RAB40A: variants seen among roughly 807,000 people sequenced by gnomAD.
The protein encoded by RAB40A is ras-related protein Rab-40A.
For synonymous variants in RAB40A, 65 were observed against 99.9 expected, an observed-to-expected ratio of 0.65 and a Z score of 2.08; for missense variants, 145 against 230.2, an observed-to-expected ratio of 0.63 and a Z score of 2.40.
chrX:103,504,218 T>C (rs1021129691), intron 2 of RAB40A, among the ~76,000 whole-genome samples: 1 of 111,183 alleles, frequency 9.0e-6, no homozygotes, highest in Non-Finnish European at 1.9e-5. Context: ...TGAAAAACTA[T>C]TGGGTACTAT....
chrX:103,514,597 C>T (rs5987466), intron 2 of RAB40A, among the ~76,000 whole-genome samples: 1 of 111,325 alleles, frequency 9.0e-6, no homozygotes, highest in Non-Finnish European at 1.9e-5. Flanking sequence ...GTGATCCACC[C>T]GTCTCAACCT....
At chrX:103,493,899 G>A in the RAB40A span, among the ~76,000 whole-genome samples, 15 of 112,450 alleles carry the variant, frequency 1.3e-4, no homozygotes, top group African/African-American at 4.8e-4. Context: ...AAACATGGGA[G>A]TGCAGATGTC....
chrX:103,519,080 A>C (rs1392277411), intron 1 of RAB40A, among the ~76,000 whole-genome samples: 2 of 111,877 alleles, frequency 1.8e-5, no homozygotes, highest in Admixed American at 1.9e-4. Context: ...AATTAGACAC[A>C]ATGAGCCCCC....
intron 2 of RAB40A, among the ~76,000 whole-genome samples, chrX:103,506,907 A>T (rs1180269096): frequency 1.8e-5 from 2 of 111,581 alleles, no homozygotes; most frequent in African/African-American, 6.5e-5. Context: ...GGTTTTTGTA[A>T]TTTTTTTTAA....
chrX:103,499,595 C>T lies in RAB40A; in HGVS notation c.*328G>A, dbSNP rs2147573868. On this transcript the variant is annotated 3_prime_UTR_variant, in exon 3 of 3. Coordinates refer to ENST00000304236, the MANE Select transcript of RAB40A (RefSeq NM_080879.3). ...TGCCATATCACCATTCTAACAAAGGCGGTTATTTTAAGGAAAAAGTTGCAG... is the reference window on the plus strand; with the variant it reads ...TGCCATATCACCATTCTAACAAAGGTGGTTATTTTAAGGAAAAAGTTGCAG... 3.0e-6 allele frequency: 1 copy of T among 329,819 alleles called. No homozygotes were observed. The highest frequency in any genetic ancestry group is 5.4e-6 in the Non-Finnish European group (1 of 185,674). 27.2% of individuals were successfully genotyped at this position (329,819 alleles called of 1,213,427 possible).
chrX:103,518,840 T>C (rs1318508565), intron 1 of RAB40A, among the ~76,000 whole-genome samples: 2 of 111,917 alleles, frequency 1.8e-5, no homozygotes, highest in Non-Finnish European at 3.8e-5. Context: ...TGTAACCTAA[T>C]GGTTTATGAA....
At chrX:103,513,432 G>C (rs1420409930) in intron 2 of RAB40A, among the ~76,000 whole-genome samples, 1 of 110,877 alleles carries the variant, frequency 9.0e-6, no homozygotes, top group Non-Finnish European at 1.9e-5. Context: ...AGGGCCCCAG[G>C]AGTAATCAAC....
At chrX:103,507,400 A>G (rs2073261308) in intron 2 of RAB40A, among the ~76,000 whole-genome samples, 1 of 87,389 alleles carries the variant, frequency 1.1e-5, no homozygotes, top group African/African-American at 1.2e-4. Context: ...GTTTTAATAC[A>G]GTCTTTAGTG....
chrX:103,499,952 A>G lies in RAB40A; in HGVS notation c.805T>C (p.Cys269Arg). The G allele has an allele frequency of 1.1e-6, 1 of 900,927 alleles. No homozygotes were observed. The highest frequency in any genetic ancestry group is 2.0e-5 in the African/African-American group (1 of 50,224). The allele number at this position is 900,927 out of a possible 1,213,427, so 74.2% of individuals were successfully genotyped here. The change falls in exon 3 of 3, where the codon TGC becomes CGC. Residue 269 changes from cysteine (C) to arginine (R), a missense_variant. Coordinates refer to ENST00000304236, the MANE Select transcript of RAB40A (RefSeq NM_080879.3). ...VCPPQSPPKNCTRNSCKIS is the reference protein window; with the variant it reads ...VCPPQSPPKNRTRNSCKIS ...GAAATTTTGCAGCTGTTTCTGGTGC[A>G]GTTTTTGGGTGGGCTCTGGGGTGGG...
At chrX:103,494,729 G>C (rs2073154496), downstream of RAB40A, among the ~76,000 whole-genome samples, 1 of 111,745 alleles carries the variant, frequency 8.9e-6, no homozygotes, top group Non-Finnish European at 1.9e-5. Flanking sequence ...GTTCACTGTA[G>C]GTGTGTGGAT....
At chrX:103,512,621 T>C (rs2073296673) in intron 2 of RAB40A, among the ~76,000 whole-genome samples, 1 of 112,099 alleles carries the variant, frequency 8.9e-6, no homozygotes, top group African/African-American at 3.2e-5. Flanking sequence ...CCGGATTGAC[T>C]AGTACTGTTT....
At chrX:103,515,945 T>C (rs2073314642) in intron 2 of RAB40A, among the ~76,000 whole-genome samples, 1 of 112,171 alleles carries the variant, frequency 8.9e-6, no homozygotes, top group Non-Finnish European at 1.9e-5. Context: ...CTCTTGAGTG[T>C]AAGGATCAGG....
At position 103,499,672 on chromosome X, in the gene RAB40A, C is replaced by G. The variant is rs1176420770; in HGVS notation, c.*251G>C. 4.6e-6 allele frequency: 2 copies of G among 438,509 alleles called. No homozygotes were observed. Among genetic ancestry groups the G allele is most frequent in the East Asian group, 7.7e-5 (2 of 25,897 alleles). The allele number at this position is 438,509 out of a possible 1,213,427, so 36.1% of individuals were successfully genotyped here. The stretch of plus-strand genomic sequence containing the variant: ...AAATTTCACGTTATCAAGAGTTGAG[C>G]AAAGTACTAATTTCCCCTTTATAAA... On this transcript the variant is annotated 3_prime_UTR_variant, in exon 3 of 3. Coordinates refer to ENST00000304236, the MANE Select transcript of RAB40A (RefSeq NM_080879.3).
chrX:103,506,318 C>T (rs1180896), intron 2 of RAB40A, among the ~76,000 whole-genome samples: 43,941 of 109,726 alleles, frequency 0.4, 9,053 homozygotes, highest in African/African-American at 0.8. Flanking sequence ...TTTCCAGTGT[C>T]CATTATTAAT....
chrX:103,503,566 C>T, intron 2 of RAB40A: 1 of 673,551 alleles, frequency 1.5e-6, no homozygotes, highest in Non-Finnish European at 1.7e-6. Context: ...GCAAAATGTC[C>T]TCCTTTAAAA....
chrX:103,515,588 C>T (rs1031185331), intron 2 of RAB40A, among the ~76,000 whole-genome samples: 1 of 111,989 alleles, frequency 8.9e-6, no homozygotes, highest in African/African-American at 3.2e-5. Context: ...TAGCAATATG[C>T]TAATTTTATT....
At chrX:103,512,684 C>T (rs1264557126) in intron 2 of RAB40A, among the ~76,000 whole-genome samples, 3 of 111,264 alleles carry the variant, frequency 2.7e-5, no homozygotes, top group Non-Finnish European at 5.6e-5. Flanking sequence ...CATGAGTTGA[C>T]CTTCACAATA....
At chrX:103,514,885 TA>T in intron 2 of RAB40A, among the ~76,000 whole-genome samples, 1 of 111,807 alleles carries the variant, frequency 8.9e-6, no homozygotes, top group South Asian at 3.8e-4. Context: ...CTCATTAACT[TA>T]AAAAAAGAGT....
intron 2 of RAB40A, chrX:103,502,542 G>T: frequency 5.8e-6 from 1 of 171,933 alleles, no homozygotes; most frequent in Non-Finnish European, 1.0e-5. Context: ...AACTCATACG[G>T]TCCCACACCC....
Sources: allele counts gnomAD v4.1 joint callset (sites outside exome capture counted in the v4.1 genomes callset), GRCh38; gene constraint gnomAD v4.1.1; transcripts MANE v1.5; gene names NCBI Gene and HGNC (gene_info 2026-07-23, HGNC 2026-07-21).